ABCC8: variants seen among roughly 807,000 people sequenced by gnomAD.
The protein encoded by ABCC8 is ATP-binding cassette sub-family C member 8.
Under a neutral mutation model 188.0 loss-of-function variants are expected in ABCC8, and 137 were observed. The ratio of observed to expected loss-of-function variants is 0.73; its 90% CI spans 0.63 to 0.84. The LOEUF (loss-of-function observed/expected upper bound fraction) is 0.84. Ranked by LOEUF, ABCC8 falls within the 40% of genes least tolerant of loss-of-function variation. ABCC8 has a pLI of 0.00. For missense variants in ABCC8, 1,750 were observed against 2,072.7 expected (o/e 0.84, Z 3.02); for synonymous variants, 797 against 846.5 (o/e 0.94, Z 1.01).
chr11:17,453,347 TC>T (rs1956882266), intron 6 of ABCC8, 64 bp from the exon 7 acceptor site: 2 of 1,600,850 alleles, frequency 1.2e-6, no homozygotes, highest in Non-Finnish European at 1.7e-6. Flanking sequence ...GTAGAACACA[TC>T]ACTGTGCCAT....
At position 17,423,098 on chromosome 11, in the gene ABCC8, C is replaced by T. The variant is rs1259755200; in HGVS notation, c.2222+3951G>A. Reference sequence around the variant, plus strand: ...GGCCGGCCAGGGGTGGTGGCTCATGCCTGTAATCCCAGCACTTTGGGAGGC... The same window carrying T: ...GGCCGGCCAGGGGTGGTGGCTCATGTCTGTAATCCCAGCACTTTGGGAGGC... On this transcript the variant is annotated intron_variant, in intron 16 of 38. Transcript: ENST00000389817. Among the ~76,000 whole-genome samples, 3 of 151,978 alleles carry T rather than the reference C, an allele frequency of 2.0e-5. No individual in the cohort carries two copies. The South Asian group carries it at 6.2e-4, about 32-fold the overall frequency.
chr11:17,419,030 CAG>C (rs1208462736), intron 16 of ABCC8, among the ~76,000 whole-genome samples: 1 of 152,202 alleles, frequency 6.6e-6, no homozygotes, highest in East Asian at 1.9e-4. Context: ...TACTGAGACT[CAG>C]AGTTTGCAAA....
intron 7 of ABCC8, among the ~76,000 whole-genome samples, chr11:17,451,986 G>T (rs1213062729): frequency 6.6e-6 from 1 of 152,218 alleles, no homozygotes; most frequent in African/African-American, 2.4e-5. Context: ...AGTCACAAAA[G>T]AAGGCTGGCA....
chr11:17,398,377 A>G lies in ABCC8; in HGVS notation c.3715T>C (p.Phe1239Leu), dbSNP rs1239131776. 1 of 1,614,048 alleles carries G rather than the reference A, an allele frequency of 6.2e-7. No homozygotes were observed. Among genetic ancestry groups the G allele is most frequent in the African/African-American group, 1.3e-5 (1 of 74,920 alleles). ...AGCCATCTGTTGGCAGCTGTGAGGA[A>G]GAGGGAAGCAATGTTGTTGGAGTCT... ...YTDSNNIASLFLTAANRWLEV... is the reference protein window; with the variant it reads ...YTDSNNIASLLLTAANRWLEV... Residue 1239 changes from phenylalanine (F) to leucine (L), a missense_variant, in exon 30 of 39, where the codon TTC (phenylalanine) becomes CTC (leucine). By Grantham distance (22) the Phe-to-Leu change is conservative. Transcript: ENST00000389817.
At chr11:17,437,778 C>T (rs768165647) in intron 10 of ABCC8, among the ~76,000 whole-genome samples, 25 of 152,178 alleles carry the variant, frequency 1.6e-4, no homozygotes, top group Non-Finnish European at 3.1e-4. Context: ...TGTGGCTGCA[C>T]CAACTGGCAG....
In ABCC8 at chr11:17,445,158, A is replaced by T. The variant is rs185164705; in HGVS notation, c.1333-1846T>A. On this transcript the variant is annotated intron_variant, in intron 8 of 38. Transcript: ENST00000389817. ...GAGACTGGGAAACACAGAGGCCTCC[A>T]TTATAGCTAAATTCCTTAACCTGGT... Among the ~76,000 whole-genome samples, 41 of 152,358 alleles carry T rather than the reference A, an allele frequency of 2.7e-4. No homozygotes were observed. The East Asian group carries it at 6.4e-3, about 24-fold the overall frequency.
intron 16 of ABCC8, among the ~76,000 whole-genome samples, chr11:17,418,010 G>A (rs975597738): frequency 1.3e-5 from 2 of 152,118 alleles, no homozygotes; most frequent in Non-Finnish European, 2.9e-5. Context: ...TCCAGCTTTG[G>A]CCTCCTAAAG....
intron 1 of ABCC8, among the ~76,000 whole-genome samples, chr11:17,476,284 A>T (rs927618207): frequency 3.3e-5 from 5 of 152,174 alleles, no homozygotes; most frequent in African/African-American, 9.7e-5. Context: ...TGCGCCACGG[A>T]GGGTGAGGCC....
At chr11:17,439,933 G>A (rs1402127334) in intron 10 of ABCC8, among the ~76,000 whole-genome samples, 2 of 152,178 alleles carry the variant, frequency 1.3e-5, no homozygotes, top group Non-Finnish European at 2.9e-5. Flanking sequence ...GGGACAATGA[G>A]CACCCACTAG....
chr11:17,415,213 G>C, intron 18 of ABCC8, 91 bp downstream of exon 18: 1 of 1,532,680 alleles, frequency 6.5e-7, no homozygotes. Context: ...GGGGTCTGGG[G>C]GCTGCCCAGC....
Position 17,453,271 on chromosome 11 carries a change from C to G in ABCC8, c.1024G>C (p.Gly342Arg), listed in dbSNP as rs763028380. Reference sequence around the variant, plus strand: ...TCTTGGGATGAGACAAAGTAAACCCCGAGAAATTGTGTCTGTTGGAAAGAG... The same window carrying G: ...TCTTGGGATGAGACAAAGTAAACCCGGAGAAATTGTGTCTGTTGGAAAGAG... ...DVFQPKTQFL[G>R]VYFVSSQEFL... The change falls in exon 7 of 39, where the codon GGG (glycine) becomes CGG (arginine). Residue 342 changes from glycine (G) to arginine (R), a missense_variant. Transcript: ENST00000389817. The G allele has an allele frequency of 1.2e-6, 2 of 1,614,018 alleles. No homozygotes were observed.
chr11:17,431,005 G>C lies in ABCC8; in HGVS notation c.1672-46C>G, dbSNP rs556954243. On this transcript the variant is annotated intron_variant, in intron 11 of 38. Transcript: ENST00000389817. Reference sequence around the variant, plus strand: ...GAGGCCAGGGTGGCCCAGGGTGTGGGTCCCTCCCACACTGGAAACGCTCAG... The same window carrying C: ...GAGGCCAGGGTGGCCCAGGGTGTGGCTCCCTCCCACACTGGAAACGCTCAG... The C allele has an allele frequency of 4.0e-5, 65 of 1,606,314 alleles. No homozygotes were observed. The East Asian group carries it at 1.2e-3, about 29-fold the overall frequency.
chr11:17,418,043 C>T (rs7944045), intron 16 of ABCC8, among the ~76,000 whole-genome samples: 21,501 of 152,092 alleles, frequency 0.14, 2,044 homozygotes, highest in African/African-American at 0.26. Context: ...TGGCAGTGAG[C>T]CACCGTGCTC....
chr11:17,397,169 C>T (rs1163367874), intron 32 of ABCC8, 24 bp downstream of exon 32: 38 of 1,613,324 alleles, frequency 2.4e-5, no homozygotes, highest in Non-Finnish European at 3.1e-5. Context: ...GACTCTTCCC[C>T]ACCCCTCTCC....
At chr11:17,394,238 T>C (rs749002692) in intron 37 of ABCC8, 28 bp downstream of exon 37, 1 of 1,610,638 alleles carries the variant, frequency 6.2e-7, no homozygotes, top group Non-Finnish European at 8.5e-7. Context: ...TCCAAGACCA[T>C]GGTCCCATGG....
At position 17,420,903 on chromosome 11, in the gene ABCC8, C is replaced by T. The variant is rs183261618; in HGVS notation, c.2223-3941G>A. On this transcript the variant is annotated intron_variant, in intron 16 of 38. Coordinates refer to ENST00000389817, the MANE Select transcript of ABCC8 (RefSeq NM_000352.6). ...AGGATTAAAGAGAGAGTTTGCAAAT[C>T]CCAAGGTTGTCACAGTTCCTTGAAG... 5.2e-3 allele frequency among the ~76,000 whole-genome samples: 790 copies of T among 152,326 alleles called. 4 individuals are homozygous for T. The highest frequency in any genetic ancestry group is 8.6e-3 in the Non-Finnish European group (582 of 68,024).
In ABCC8 at chr11:17,407,459, A is replaced by G; in HGVS notation, c.2821-6T>C. The G allele has an allele frequency of 6.2e-7, 1 of 1,614,156 alleles. No homozygotes were observed. On this transcript the variant is annotated splice_polypyrimidine_tract_variant and splice_region_variant and intron_variant, in intron 23 of 38. Transcript: ENST00000389817. ...TTTCTCTCTGTGACAGTCTCCTAAA[A>G]GACAGATGTGGCCTGGGCAATGTCT...
At chr11:17,431,024 C>G (rs1336608629) in intron 11 of ABCC8, 65 bp from the exon 12 acceptor site, 2 of 1,591,480 alleles carry the variant, frequency 1.3e-6, no homozygotes, top group Admixed American at 3.6e-5. Flanking sequence ...ACACTGGAAA[C>G]GCTCAGCACT....
Position 17,396,922 on chromosome 11 carries a change from T to G in ABCC8, c.4113A>C (p.Gly1371=). 1 of 1,614,098 alleles carries G rather than the reference T, an allele frequency of 6.2e-7. No homozygotes were observed. Among genetic ancestry groups the G allele is most frequent in the South Asian group, 1.1e-5 (1 of 91,082 alleles). Residue 1371 remains glycine (G), a synonymous_variant, in exon 33 of 39, where the codon GGA becomes GGC. Transcript: ENST00000389817. ...GTTGGGCCCGTGCTCTGACCTTCTG[T>G]CCAGGGGCGATGAGGGCATTGACGT... is the stretch of plus-strand genomic sequence containing the variant. The part of the protein sequence containing the change: ...LKHVNALIAP[G]QKIGICGRTG...
Sources: gnomAD v4.1 joint callset for allele counts (sites outside exome capture counted in the v4.1 genomes callset) on GRCh38, gnomAD v4.1.1 for gene constraint, MANE v1.5 for transcripts, NCBI Gene and HGNC (gene_info 2026-07-23, HGNC 2026-07-21) for gene names.